NEGR1: variants seen among roughly 807,000 people sequenced by gnomAD.
The protein encoded by NEGR1 is neuronal growth regulator 1.
In NEGR1, 10 loss-of-function variants were observed where a neutral mutation model predicts 40.9. That is an observed-to-expected ratio of 0.24 (90% CI 0.15 to 0.42). The LOEUF (loss-of-function observed/expected upper bound fraction) is 0.42. Among genes scored for constraint, NEGR1 ranks in the 10% least tolerant of loss-of-function variants. The pLI is 1.00. For missense variants in NEGR1, 352 were observed against 438.9 expected, an observed-to-expected ratio of 0.80 and a Z score of 1.77; for synonymous variants, 185 against 166.8, an observed-to-expected ratio of 1.11 and a Z score of -0.84.
intron 2 of NEGR1, among the ~76,000 whole-genome samples, chr1:71,788,677 A>ATGTGTG (rs10691626): frequency 2.0e-5 from 3 of 149,274 alleles, no homozygotes; most frequent in African/African-American, 7.3e-5. Flanking sequence ...GAATACAAGC[A>ATGTGTG]TGTGTGTGTG....
At chr1:72,139,566 A>T (rs1398397232) in intron 1 of NEGR1, among the ~76,000 whole-genome samples, 2 of 152,104 alleles carry the variant, frequency 1.3e-5, no homozygotes, top group African/African-American at 2.4e-5. Context: ...TTAAAGAAAC[A>T]AAATATGAAA....
chr1:71,552,694 T>G (rs72677126), intron 6 of NEGR1, among the ~76,000 whole-genome samples: 2 of 151,046 alleles, frequency 1.3e-5, no homozygotes, highest in African/African-American at 4.8e-5. Flanking sequence ...TTCCACACTA[T>G]ATTCAGAATT....
intron 1 of NEGR1, among the ~76,000 whole-genome samples, chr1:71,939,787 AC>A (rs1295914114): frequency 1.3e-5 from 2 of 151,818 alleles, no homozygotes; most frequent in African/African-American, 4.8e-5. Flanking sequence ...CACTTCCGAA[AC>A]CCTTTTAAAC....
rs60177063 is a variant in NEGR1 at position 71,942,976 on chromosome 1, AAG to A, written c.177-7667_177-7666del. Among the ~76,000 whole-genome samples the A allele has an allele frequency of 8.6e-3, 1,094 of 126,694 alleles. 6 individuals carry two copies. Among genetic ancestry groups the A allele is most frequent in the African/African-American group, 0.012 (428 of 35,038 alleles). The allele number at this position is 126,694 out of a possible 152,430, so 83.1% of individuals were successfully genotyped here. ...CTAAGTTTGTTTTATATATATATAT[AAG>A]TATATATGTGTATATATATGTGTGT... On this transcript the variant is annotated intron_variant, in intron 1 of 6. Transcript: ENST00000357731.
intron 4 of NEGR1, among the ~76,000 whole-genome samples, chr1:71,663,252 C>T (rs992334858): frequency 1.3e-5 from 2 of 152,034 alleles, no homozygotes; most frequent in Non-Finnish European, 2.9e-5. Flanking sequence ...CCACCATGAC[C>T]GGCCATTTTT....
At chr1:71,858,292 C>G (rs1659843414) in intron 2 of NEGR1, among the ~76,000 whole-genome samples, 1 of 152,012 alleles carries the variant, frequency 6.6e-6, no homozygotes, top group South Asian at 2.1e-4. Context: ...AAACTCAGAT[C>G]TGTATCATTT....
At chr1:72,026,494 A>C (rs1646811235) in intron 1 of NEGR1, among the ~76,000 whole-genome samples, 1 of 152,042 alleles carries the variant, frequency 6.6e-6, no homozygotes, top group African/African-American at 2.4e-5. Context: ...AGACTTTGTG[A>C]ACTGATCCTT....
At chr1:72,139,047 T>C (rs892087304) in intron 1 of NEGR1, among the ~76,000 whole-genome samples, 6 of 151,104 alleles carry the variant, frequency 4.0e-5, no homozygotes, top group African/African-American at 1.5e-4. Flanking sequence ...TAAAGAAAGA[T>C]ATTTGAAAAA....
rs1646286365 is a variant in NEGR1 at position 71,407,589 on chromosome 1, G to T, written c.941-19C>A. The T allele has an allele frequency of 1.2e-6, 2 of 1,609,416 alleles. No homozygotes were observed. Among genetic ancestry groups the T allele is most frequent in the African/African-American group, 1.3e-5 (1 of 74,798 alleles). Reference sequence around the variant, plus strand: ...CTTGGAGCTGGAAAGAAATGGAAAAGATTAAATCAAAATCTAATTTGTGTC... The same window carrying T: ...CTTGGAGCTGGAAAGAAATGGAAAATATTAAATCAAAATCTAATTTGTGTC... On this transcript the variant is annotated intron_variant, in intron 6 of 6. Coordinates refer to ENST00000357731, the MANE Select transcript of NEGR1 (RefSeq NM_173808.3).
intron 1 of NEGR1, among the ~76,000 whole-genome samples, chr1:72,108,406 T>C (rs1649218277): frequency 6.6e-6 from 1 of 151,562 alleles, no homozygotes; most frequent in Admixed American, 6.6e-5. Flanking sequence ...ATCATACCAT[T>C]ACACTGGCAA....
At chr1:71,718,830 T>C (rs1654362976) in intron 3 of NEGR1, among the ~76,000 whole-genome samples, 1 of 152,192 alleles carries the variant, frequency 6.6e-6, no homozygotes, top group South Asian at 2.1e-4. Flanking sequence ...TATTCTTATA[T>C]TTCATTCTCT....
chr1:71,972,654 G>T (rs953672916), intron 1 of NEGR1, among the ~76,000 whole-genome samples: 1 of 152,016 alleles, frequency 6.6e-6, no homozygotes, highest in Non-Finnish European at 1.5e-5. Context: ...AAATAGCTAC[G>T]ATTTTATTTC....
chr1:71,773,435 AGAG>A (rs1184517039), intron 3 of NEGR1, among the ~76,000 whole-genome samples: 3 of 152,182 alleles, frequency 2.0e-5, no homozygotes, highest in Non-Finnish European at 4.4e-5. Context: ...ATATAGCAAA[AGAG>A]GAGCTGAGAA....
Position 71,822,588 on chromosome 1 carries a change from T to C in NEGR1, c.410-46291A>G, listed in dbSNP as rs1163089108. ...ACAAGCTAATCCTGAGCCCTCATTATGGCATCATTGCTTGAGGAGACTGGA... is the reference window on the plus strand; with the variant it reads ...ACAAGCTAATCCTGAGCCCTCATTACGGCATCATTGCTTGAGGAGACTGGA... On this transcript the variant is annotated intron_variant, in intron 2 of 6. Transcript: ENST00000357731. 3.9e-5 allele frequency among the ~76,000 whole-genome samples: 6 copies of C among 152,134 alleles called. No individual in the cohort carries two copies. The East Asian group carries it at 1.2e-3, about 30-fold the overall frequency.
At chr1:72,185,949 G>A (rs1032083279) in intron 1 of NEGR1, among the ~76,000 whole-genome samples, 4 of 151,730 alleles carry the variant, frequency 2.6e-5, no homozygotes, top group Admixed American at 6.6e-5. Flanking sequence ...GGCATTGCAT[G>A]TCTTTATTCT....
At chr1:72,086,146 T>A (rs184590045) in intron 1 of NEGR1, among the ~76,000 whole-genome samples, 1 of 152,134 alleles carries the variant, frequency 6.6e-6, no homozygotes, top group South Asian at 2.1e-4. Flanking sequence ...ATATGATATT[T>A]ATAGCAATTT....
chr1:72,274,587 C>T lies in NEGR1; in HGVS notation c.176+7732G>A, dbSNP rs114938355. The T allele has an allele frequency of 2.8e-3, 2,170 of 775,948 alleles. 40 individuals carry two copies. In the African/African-American group the frequency reaches 0.032, roughly 12 times the overall value. The allele number at this position is 775,948 out of a possible 1,614,324, so 48.1% of individuals were successfully genotyped here. A position where few individuals can be genotyped will look rare whatever the true frequency, so the allele number is the denominator to read the frequency against. ...ACAGTGAGTCTTTGGCAAGATATGGCGAAAGCCCATACCTTTAACCACTCT... is the reference window on the plus strand; with the variant it reads ...ACAGTGAGTCTTTGGCAAGATATGGTGAAAGCCCATACCTTTAACCACTCT... On this transcript the variant is annotated intron_variant, in intron 1 of 6. Coordinates refer to ENST00000357731, the MANE Select transcript of NEGR1 (RefSeq NM_173808.3).
At chr1:71,921,830 A>G (rs1276608214) in intron 2 of NEGR1, among the ~76,000 whole-genome samples, 1 of 151,460 alleles carries the variant, frequency 6.6e-6, no homozygotes, top group Non-Finnish European at 1.5e-5. Context: ...GCTTCCAGTT[A>G]ATAGTAGGCT....
chr1:71,802,500 G>A (rs1278215876), intron 2 of NEGR1, among the ~76,000 whole-genome samples: 2 of 152,154 alleles, frequency 1.3e-5, no homozygotes, highest in Non-Finnish European at 2.9e-5. Flanking sequence ...GAGCATGCAT[G>A]CCCAGGAAGG....
Sources: gnomAD v4.1 joint callset for allele counts (sites outside exome capture counted in the v4.1 genomes callset) on GRCh38, gnomAD v4.1.1 for gene constraint, MANE v1.5 for transcripts, NCBI Gene and HGNC (gene_info 2026-07-23, HGNC 2026-07-21) for gene names.